Variants in KCNH8 observed in about 807,000 individuals in gnomAD.
The protein encoded by KCNH8 is voltage-gated delayed rectifier potassium channel KCNH8.
A neutral mutation model predicts 103.6 loss-of-function variants in KCNH8; 70 were observed. The observed-to-expected ratio is 0.68, with a 90% CI of 0.56 to 0.82. The LOEUF is 0.82. KCNH8 is among the 40% of genes least tolerant of loss of function. KCNH8 has a pLI of 0.00. For missense variants in KCNH8, 1,217 were observed against 1,329.9 expected, an observed-to-expected ratio of 0.92 and a Z score of 1.32; for synonymous variants, 498 against 489.4, an observed-to-expected ratio of 1.02 and a Z score of -0.23.
intron 8 of KCNH8, among the ~76,000 whole-genome samples, chr3:19,442,396 C>G (rs2067296415): frequency 6.6e-6 from 1 of 152,110 alleles, no homozygotes; most frequent in African/African-American, 2.4e-5. Context: ...TCAAAAAATC[C>G]ATAAGATAAT....
intron 1 of KCNH8, among the ~76,000 whole-genome samples, chr3:19,154,922 A>C (rs549020042): frequency 6.6e-6 from 1 of 152,362 alleles, no homozygotes; most frequent in African/African-American, 2.4e-5. Context: ...TGCTGTGTTT[A>C]AAATCCAAAA....
chr3:19,187,190 C>T (rs2125206921), intron 1 of KCNH8, among the ~76,000 whole-genome samples: 1 of 151,742 alleles, frequency 6.6e-6, no homozygotes, highest in Middle Eastern at 3.4e-3. Flanking sequence ...TAACATTTAA[C>T]CAATAGAGAA....
At chr3:19,277,974 C>G (rs929521843) in intron 2 of KCNH8, among the ~76,000 whole-genome samples, 1 of 152,126 alleles carries the variant, frequency 6.6e-6, no homozygotes, top group Admixed American at 6.5e-5. Flanking sequence ...GGCTGTGGGA[C>G]TTGCAGCCTC....
At chr3:19,224,101 T>C (rs1307481401) in intron 1 of KCNH8, among the ~76,000 whole-genome samples, 1 of 152,184 alleles carries the variant, frequency 6.6e-6, no homozygotes, top group Non-Finnish European at 1.5e-5. Flanking sequence ...TCTGTTAAGA[T>C]TAATTGACAT....
intron 1 of KCNH8, among the ~76,000 whole-genome samples, chr3:19,211,042 A>G (rs2063765848): frequency 6.6e-6 from 1 of 152,184 alleles, no homozygotes; most frequent in Non-Finnish European, 1.5e-5. Context: ...CTATACAGTC[A>G]TAAATACATG....
At chr3:19,199,689 A>G (rs1467982084) in intron 1 of KCNH8, among the ~76,000 whole-genome samples, 1 of 151,508 alleles carries the variant, frequency 6.6e-6, no homozygotes, top group Non-Finnish European at 1.5e-5. Flanking sequence ...TAAATTTTCT[A>G]ATTATAAGGG....
rs2068857876 is a variant in KCNH8, at chr3:19,515,432, A to AGGAG, written c.2542+5_2542+6insGAGG. ...AGAATTTCTCCTCCTCTTGGAGGTA[A>AGGAG]GATCTATATTTAGTCTTCTCCTAAG... On this transcript the variant is annotated splice_donor_region_variant and intron_variant, in intron 14 of 15. Transcript: ENST00000328405. The AGGAG allele has an allele frequency of 6.2e-6, 9 of 1,444,412 alleles. No individual in the cohort carries two copies. The highest frequency in any genetic ancestry group is 8.4e-6 in the Non-Finnish European group (9 of 1,067,098). 89.5% of individuals were successfully genotyped at this position (1,444,412 alleles called of 1,614,324 possible). A position where few individuals can be genotyped will look rare whatever the true frequency, so the allele number is the denominator to read the frequency against.
At chr3:19,332,197 A>G (rs2065519960) in intron 3 of KCNH8, among the ~76,000 whole-genome samples, 2 of 152,100 alleles carry the variant, frequency 1.3e-5, no homozygotes, top group South Asian at 4.1e-4. Context: ...TTTGTTAAAA[A>G]TTCTATCACT....
chr3:19,339,423 G>A (rs576406701), intron 3 of KCNH8, among the ~76,000 whole-genome samples: 2 of 152,066 alleles, frequency 1.3e-5, no homozygotes, highest in South Asian at 4.1e-4. Context: ...AACTCTGGCT[G>A]TTTTCAAGTT....
intron 1 of KCNH8, among the ~76,000 whole-genome samples, chr3:19,189,775 A>G (rs1318082456): frequency 6.6e-6 from 1 of 152,024 alleles, no homozygotes; most frequent in Non-Finnish European, 1.5e-5. Flanking sequence ...ACAAACTTAC[A>G]TGAAATAGTA....
intron 1 of KCNH8, among the ~76,000 whole-genome samples, chr3:19,161,313 A>G (rs1282751166): frequency 6.6e-6 from 1 of 152,188 alleles, no homozygotes; most frequent in Non-Finnish European, 1.5e-5. Flanking sequence ...GAATTACTGT[A>G]TGTAGCATTC....
At position 19,472,547 on chromosome 3, in the gene KCNH8, C is replaced by G. The variant is rs190512798; in HGVS notation, c.2040+15565C>G. ...CCATCCATGTAAGATGTGACTTGCTCCTCCTTGCCTTCCACCATGATTGTG... is the reference window on the plus strand; with the variant it reads ...CCATCCATGTAAGATGTGACTTGCTGCTCCTTGCCTTCCACCATGATTGTG... On this transcript the variant is annotated intron_variant, in intron 11 of 15. Transcript: ENST00000328405. Among the ~76,000 whole-genome samples, 7 of 152,094 alleles carry G rather than the reference C, an allele frequency of 4.6e-5. 1 individual carries two copies. The highest frequency in any genetic ancestry group is 1.0e-4 in the Non-Finnish European group (7 of 68,030).
intron 11 of KCNH8, among the ~76,000 whole-genome samples, chr3:19,499,791 G>A (rs969428308): frequency 1.2e-4 from 18 of 152,148 alleles, no homozygotes; most frequent in Non-Finnish European, 2.2e-4. Context: ...TGAAGGAAGC[G>A]CTAAACATGG....
intron 11 of KCNH8, among the ~76,000 whole-genome samples, chr3:19,492,223 G>A (rs1398000468): frequency 1.3e-5 from 2 of 152,028 alleles, no homozygotes; most frequent in Non-Finnish European, 2.9e-5. Context: ...AATTGCTTTT[G>A]GGGACTTGGC....
chr3:19,213,218 T>C (rs2063787308), intron 1 of KCNH8, among the ~76,000 whole-genome samples: 1 of 152,206 alleles, frequency 6.6e-6, no homozygotes, highest in Non-Finnish European at 1.5e-5. Context: ...AAGAGGATAT[T>C]TCCTCTATGA....
rs117697704 is a variant in KCNH8, at chr3:19,192,473, G to A, written c.76+43678G>A. 6.1e-4 allele frequency among the ~76,000 whole-genome samples: 92 copies of A among 151,766 alleles called. 2 individuals carry two copies. In the East Asian group the frequency reaches 0.017, roughly 27 times the overall value. On this transcript the variant is annotated intron_variant, in intron 1 of 15. Transcript: ENST00000328405. ...GGATTGTTTAAGGCCTTATCTGATTGAGATAGTCTTAATTCAGTTGAATTT... is the reference window on the plus strand; with the variant it reads ...GGATTGTTTAAGGCCTTATCTGATTAAGATAGTCTTAATTCAGTTGAATTT...
At chr3:19,418,565 C>T (rs1426816618) in intron 7 of KCNH8, among the ~76,000 whole-genome samples, 1 of 151,888 alleles carries the variant, frequency 6.6e-6, no homozygotes, top group Non-Finnish European at 1.5e-5. Flanking sequence ...ATCTGTGGAT[C>T]TGATCAAGCC....
intron 11 of KCNH8, among the ~76,000 whole-genome samples, chr3:19,489,169 G>A (rs967839164): frequency 1.3e-5 from 2 of 152,142 alleles, no homozygotes; most frequent in Non-Finnish European, 2.9e-5. Context: ...TGGTCTAGGA[G>A]TGTGGCTATC....
intron 3 of KCNH8, among the ~76,000 whole-genome samples, chr3:19,287,835 C>T (rs1188376066): frequency 2.0e-5 from 3 of 152,162 alleles, no homozygotes; most frequent in East Asian, 1.9e-4. Context: ...CCACCTGCCT[C>T]GGCCTCCTGA....
Sources: gnomAD v4.1 joint callset for allele counts (sites outside exome capture counted in the v4.1 genomes callset) on GRCh38, gnomAD v4.1.1 for gene constraint, MANE v1.5 for transcripts, NCBI Gene and HGNC (gene_info 2026-07-23, HGNC 2026-07-21) for gene names.